IGF1R: variants seen among roughly 807,000 people sequenced by gnomAD.
IGF1R encodes the protein insulin-like growth factor 1 receptor.
IGF1R carries 44 observed loss-of-function variants against 144.6 expected under a neutral mutation model. That is an observed-to-expected ratio of 0.30 (90% CI 0.24 to 0.39). IGF1R has a LOEUF of 0.39. Ranked by LOEUF, IGF1R falls within the 10% of genes least tolerant of loss-of-function variation. IGF1R has a pLI of 1.00. For missense variants in IGF1R, 1,355 were observed against 1,833.7 expected (o/e 0.74, Z 4.77); for synonymous variants, 795 against 722.8 (o/e 1.10, Z -1.60).
intron 1 of IGF1R, among the ~76,000 whole-genome samples, chr15:98,663,584 C>T (rs1057322745): frequency 1.4e-4 from 21 of 152,322 alleles, no homozygotes; most frequent in Non-Finnish European, 2.6e-4. Flanking sequence ...GAAACTGTTT[C>T]AGGTGAGCGC....
At chr15:98,944,267 A>G (rs185990388) in intron 19 of IGF1R, among the ~76,000 whole-genome samples, 1 of 152,332 alleles carries the variant, frequency 6.6e-6, no homozygotes, top group Admixed American at 6.5e-5. Context: ...TCTCGGGCAA[A>G]TTTTACCCAA....
intron 2 of IGF1R, among the ~76,000 whole-genome samples, chr15:98,763,457 T>C (rs947932524): frequency 3.4e-5 from 5 of 148,592 alleles, no homozygotes; most frequent in African/African-American, 1.2e-4. Flanking sequence ...CTGGGACTCC[T>C]GATTTTTTTT....
chr15:98,954,558 T>C (rs987837081), intron 20 of IGF1R, among the ~76,000 whole-genome samples: 1 of 151,902 alleles, frequency 6.6e-6, no homozygotes, highest in African/African-American at 2.4e-5. Flanking sequence ...ACTGGAAGGG[T>C]TGTTACTCTG....
At position 98,962,454 on chromosome 15, in the gene IGF1R, C is replaced by T. The variant is rs1416721971; in HGVS notation, c.*5012C>T. 8.6e-6 allele frequency: 2 copies of T among 233,696 alleles called. No homozygotes were observed. Among genetic ancestry groups the T allele is most frequent in the African/African-American group, 4.4e-5 (2 of 45,364 alleles). 14.5% of individuals were successfully genotyped at this position (233,696 alleles called of 1,614,324 possible). ...ACTTTCTTTCTTCACTCTGAAGTAG[C>T]TGGTGGTACAAATGAGAACTTCAAG... On this transcript the variant is annotated 3_prime_UTR_variant, in exon 21 of 21. Coordinates refer to ENST00000650285, the MANE Select transcript of IGF1R (RefSeq NM_000875.5).
At chr15:98,914,833 C>A (rs1183970601) in intron 8 of IGF1R, among the ~76,000 whole-genome samples, 3 of 152,114 alleles carry the variant, frequency 2.0e-5, no homozygotes, top group Non-Finnish European at 4.4e-5. Context: ...TGACACCTAT[C>A]GTAAGAATGT....
At position 98,957,499 on chromosome 15, in the gene IGF1R, G is replaced by T. The variant is rs45480091; in HGVS notation, c.*57G>T. 2.9e-5 allele frequency: 47 copies of T among 1,606,958 alleles called. No homozygotes were observed. The East Asian group carries it at 3.1e-4, about 11-fold the overall frequency. On this transcript the variant is annotated 3_prime_UTR_variant, in exon 21 of 21. Coordinates refer to ENST00000650285, the MANE Select transcript of IGF1R (RefSeq NM_000875.5). ...CGTGTGCGCACGCGCAGCGGGGTGG[G>T]GGGGGAGAGAGAGTTTTAACAATCC...
chr15:98,683,658 T>A (rs1420840179), intron 1 of IGF1R, among the ~76,000 whole-genome samples: 2 of 152,226 alleles, frequency 1.3e-5, no homozygotes, highest in Non-Finnish European at 2.9e-5. Flanking sequence ...CTTATATAAG[T>A]GCATCTGACA....
intron 1 of IGF1R, among the ~76,000 whole-genome samples, chr15:98,682,615 T>G (rs536744265): frequency 1.3e-5 from 2 of 152,120 alleles, no homozygotes; most frequent in African/African-American, 2.4e-5. Context: ...TGGCCTGATC[T>G]CGGCTCACTG....
chr15:98,795,436 A>T (rs1408699118), intron 2 of IGF1R, among the ~76,000 whole-genome samples: 1 of 131,978 alleles, frequency 7.6e-6, no homozygotes, highest in Non-Finnish European at 1.7e-5. Flanking sequence ...TTGTTTTGAG[A>T]TGGAGTCTCA....
chr15:98,658,539 C>T (rs2052534623), intron 1 of IGF1R, among the ~76,000 whole-genome samples: 2 of 152,100 alleles, frequency 1.3e-5, no homozygotes, highest in Admixed American at 1.3e-4. Context: ...AAATAATTTC[C>T]AAGTTCCAGG....
At chr15:98,657,095 G>T (rs1044534550) in intron 1 of IGF1R, among the ~76,000 whole-genome samples, 2 of 152,214 alleles carry the variant, frequency 1.3e-5, no homozygotes, top group African/African-American at 4.8e-5. Context: ...TATAGTCGTG[G>T]TTAGTCTCTG....
rs1048969892 is a variant in IGF1R at position 98,960,079 on chromosome 15, TTA to T, written c.*2641_*2642del. The T allele has an allele frequency of 1.3e-5, 3 of 233,554 alleles. No homozygotes were observed. Among genetic ancestry groups the T allele is most frequent in the Non-Finnish European group, 2.5e-5 (3 of 118,064 alleles). The allele number at this position is 233,554 out of a possible 1,614,324, so 14.5% of individuals were successfully genotyped here. On this transcript the variant is annotated 3_prime_UTR_variant, in exon 21 of 21. Coordinates refer to ENST00000650285, the MANE Select transcript of IGF1R (RefSeq NM_000875.5). ...CATTTATCTACCTCACTCTTATTTT[TTA>T]TATGTGTATATAGACAAAAGAATAC...
At chr15:98,786,181 C>T (rs1480668232) in intron 2 of IGF1R, among the ~76,000 whole-genome samples, 1 of 152,174 alleles carries the variant, frequency 6.6e-6, no homozygotes, top group African/African-American at 2.4e-5. Flanking sequence ...CACCAGTTGA[C>T]CTCAGTGCAG....
At chr15:98,873,290 A>T (rs539907944) in intron 2 of IGF1R, among the ~76,000 whole-genome samples, 1 of 152,256 alleles carries the variant, frequency 6.6e-6, no homozygotes, top group African/African-American at 2.4e-5. Context: ...TTTTCAAAAA[A>T]ATCTCCAATA....
In IGF1R at chr15:98,808,756, T is replaced by G. The variant is rs546157831; in HGVS notation, c.641-82569T>G. Among the ~76,000 whole-genome samples, 3 of 151,232 alleles carry G rather than the reference T, an allele frequency of 2.0e-5. No homozygotes were observed. In the South Asian group the frequency reaches 6.3e-4, roughly 32 times the overall value. On this transcript the variant is annotated intron_variant, in intron 2 of 20. Coordinates refer to ENST00000650285, the MANE Select transcript of IGF1R (RefSeq NM_000875.5). Reference sequence around the variant, plus strand: ...GTGCAGTGGTGCGGTCATAGCCCACTGCAAGCTCAAAGTCCTGGGCTCAAG... The same window carrying G: ...GTGCAGTGGTGCGGTCATAGCCCACGGCAAGCTCAAAGTCCTGGGCTCAAG...
At chr15:98,660,839 C>T (rs1025156418) in intron 1 of IGF1R, among the ~76,000 whole-genome samples, 4 of 152,110 alleles carry the variant, frequency 2.6e-5, no homozygotes, top group East Asian at 3.9e-4. Context: ...TCATTGGCAC[C>T]GATTTATGTC....
At chr15:98,773,120 T>A (rs556666555) in intron 2 of IGF1R, among the ~76,000 whole-genome samples, 7 of 152,194 alleles carry the variant, frequency 4.6e-5, no homozygotes, top group African/African-American at 1.7e-4. Context: ...TGTGAACTTT[T>A]ATGATTTTCT....
At chr15:98,783,697 C>T (rs929123459) in intron 2 of IGF1R, among the ~76,000 whole-genome samples, 1 of 152,144 alleles carries the variant, frequency 6.6e-6, no homozygotes, top group African/African-American at 2.4e-5. Context: ...ACTTATTGAA[C>T]TCACTTTTTA....
intron 5 of IGF1R, among the ~76,000 whole-genome samples, chr15:98,904,630 G>A (rs1286430855): frequency 6.6e-6 from 1 of 152,162 alleles, no homozygotes; most frequent in African/African-American, 2.4e-5. Flanking sequence ...AGATGGCTCT[G>A]TTGCTGATGA....
Sources: gnomAD v4.1 joint callset for allele counts (sites outside exome capture counted in the v4.1 genomes callset) on GRCh38, gnomAD v4.1.1 for gene constraint, MANE v1.5 for transcripts, NCBI Gene and HGNC (gene_info 2026-07-23, HGNC 2026-07-21) for gene names.